The following DACH1 variants were observed in gnomAD, a reference collection of about 807,000 sequenced individuals.
The protein encoded by DACH1 is dachshund family transcription factor 1, also known as dachshund homolog 1.
DACH1 carries 12 observed loss-of-function variants against 54.2 expected under a neutral mutation model. That is an observed-to-expected ratio of 0.22 (90% CI 0.14 to 0.36). DACH1 has a LOEUF of 0.36. DACH1 is among the 10% of genes least tolerant of loss of function. The pLI, the probability that DACH1 is intolerant of heterozygous loss-of-function variation, is 1.00. For missense variants in DACH1, 805 were observed against 929.8 expected (o/e 0.87, Z 1.75); for synonymous variants, 386 against 366.2 (o/e 1.05, Z -0.62).
At chr13:71,780,653 A>T (rs546293760) in intron 1 of DACH1, among the ~76,000 whole-genome samples, 159 of 152,192 alleles carry the variant, frequency 1.0e-3, no homozygotes, top group Admixed American at 3.3e-3. Flanking sequence ...CTCAAAAAAA[A>T]AAAAAAATTC....
At chr13:71,757,644 C>T (rs1325291404) in intron 1 of DACH1, among the ~76,000 whole-genome samples, 1 of 151,712 alleles carries the variant, frequency 6.6e-6, no homozygotes, top group East Asian at 1.9e-4. Context: ...CAGCCTCAAC[C>T]TCCTGAGTAG....
chr13:71,703,272 T>A (rs1882251813), intron 1 of DACH1, among the ~76,000 whole-genome samples: 1 of 152,202 alleles, frequency 6.6e-6, no homozygotes, highest in Non-Finnish European at 1.5e-5. Context: ...TTCCTCCTTT[T>A]TTAATTTGAG....
At chr13:71,500,909 A>T (rs1385219223) in intron 6 of DACH1, among the ~76,000 whole-genome samples, 2 of 152,026 alleles carry the variant, frequency 1.3e-5, no homozygotes, top group African/African-American at 2.4e-5. Flanking sequence ...TCAGTTTCCA[A>T]TCTGACTCTG....
chr13:71,494,381 T>C (rs1232822130), intron 6 of DACH1, among the ~76,000 whole-genome samples: 2 of 152,114 alleles, frequency 1.3e-5, no homozygotes, highest in Non-Finnish European at 2.9e-5. Context: ...TTTGACTTTT[T>C]TTCCCCTGGG....
Position 71,489,124 on chromosome 13 carries a change from G to A in DACH1, c.1595C>T (p.Thr532Ile). ...EKDETPLSTPTARDSLDKLSL... is the reference protein window; with the variant it reads ...EKDETPLSTPIARDSLDKLSL... ...GAGTTTGTCAAGGCTGTCTCTTGCG[G>A]TTGGTGTAGAAAGCGGGGTCTCATC... The change falls in exon 7 of 11, where the codon ACC (threonine) becomes ATC (isoleucine). Residue 532 changes from threonine (T) to isoleucine (I), a missense_variant. Transcript: ENST00000613252. The A allele has an allele frequency of 1.9e-6, 3 of 1,613,566 alleles. No homozygotes were observed. The highest frequency in any genetic ancestry group is 2.5e-6 in the Non-Finnish European group (3 of 1,179,656).
chr13:71,450,515 A>C (rs1439828335), intron 10 of DACH1, among the ~76,000 whole-genome samples: 3 of 152,082 alleles, frequency 2.0e-5, no homozygotes, highest in Non-Finnish European at 4.4e-5. Flanking sequence ...AATCACAACA[A>C]TATTGAAATT....
intron 7 of DACH1, among the ~76,000 whole-genome samples, chr13:71,481,988 T>C (rs1298231933): frequency 1.1e-4 from 17 of 152,168 alleles, no homozygotes; most frequent in Non-Finnish European, 1.5e-5. Flanking sequence ...CAAAAAACGA[T>C]AGAAGGTTTA....
At chr13:71,817,243 T>C (rs572254916) in intron 1 of DACH1, among the ~76,000 whole-genome samples, 1 of 152,286 alleles carries the variant, frequency 6.6e-6, no homozygotes, top group Non-Finnish European at 1.5e-5. Flanking sequence ...GGACAAACCA[T>C]GGCACAGATC....
intron 6 of DACH1, among the ~76,000 whole-genome samples, chr13:71,537,794 A>T (rs999249242): frequency 1.3e-5 from 2 of 152,114 alleles, no homozygotes; most frequent in Non-Finnish European, 2.9e-5. Flanking sequence ...ATTTCCAATT[A>T]TCTAGTTGGA....
At chr13:71,651,704 A>C (rs867140819) in intron 2 of DACH1, among the ~76,000 whole-genome samples, 1 of 151,818 alleles carries the variant, frequency 6.6e-6, no homozygotes, top group African/African-American at 2.4e-5. Context: ...GTATATGTAT[A>C]TGTATATGTA....
At chr13:71,781,067 T>C (rs1886348181) in intron 1 of DACH1, among the ~76,000 whole-genome samples, 1 of 152,034 alleles carries the variant, frequency 6.6e-6, no homozygotes, top group South Asian at 2.1e-4. Context: ...CCCAGGAGGT[T>C]GAGGCTGCAG....
At chr13:71,852,639 C>T (rs1041555302) in intron 1 of DACH1, among the ~76,000 whole-genome samples, 1 of 152,026 alleles carries the variant, frequency 6.6e-6, no homozygotes, top group Non-Finnish European at 1.5e-5. Context: ...CTTTGAATGA[C>T]CAAGAGATTA....
At chr13:71,758,980 C>T (rs1885287254) in intron 1 of DACH1, among the ~76,000 whole-genome samples, 1 of 151,574 alleles carries the variant, frequency 6.6e-6, no homozygotes, top group South Asian at 2.1e-4. Flanking sequence ...CTTGCTCTGC[C>T]CTTGTCATCA....
intron 1 of DACH1, among the ~76,000 whole-genome samples, chr13:71,706,325 T>A (rs978318972): frequency 6.6e-6 from 1 of 151,934 alleles, no homozygotes; most frequent in African/African-American, 2.4e-5. Flanking sequence ...TTAGTATTAA[T>A]TGAAATCTAT....
chr13:71,573,552 T>C, intron 3 of DACH1: 1 of 606,606 alleles, frequency 1.6e-6, no homozygotes, highest in South Asian at 2.0e-5. Context: ...TGTTTCCTTA[T>C]CCCAGGAACC....
rs367741298 is a variant in DACH1, at chr13:71,630,612, G to C, written c.1070C>G (p.Ala357Gly). The change falls in exon 3 of 11, where the codon GCC becomes GGC. Residue 357 changes from alanine to glycine, a missense_variant. By Grantham distance (60) the Ala-to-Gly change is moderately conservative. Transcript: ENST00000613252. ...GTCTGCTCCATGTTGGTTATTACTG[G>C]CATGATAGTTGCTCATGGCTTCTAA... ...IKLEAMSNYHASNNQHGADSE... is the reference protein window; with the variant it reads ...IKLEAMSNYHGSNNQHGADSE... The C allele has an allele frequency of 2.5e-6, 4 of 1,611,246 alleles. No individual in the cohort carries two copies. Among genetic ancestry groups the C allele is most frequent in the Non-Finnish European group, 3.4e-6 (4 of 1,179,124 alleles).
At chr13:71,722,516 G>A (rs191582988) in intron 1 of DACH1, among the ~76,000 whole-genome samples, 17 of 152,106 alleles carry the variant, frequency 1.1e-4, no homozygotes, top group Non-Finnish European at 2.1e-4. Flanking sequence ...GGGTACTTCC[G>A]GATAATAATA....
At chr13:71,641,689 T>A (rs553661206) in intron 2 of DACH1, among the ~76,000 whole-genome samples, 1 of 152,248 alleles carries the variant, frequency 6.6e-6, no homozygotes, top group South Asian at 2.1e-4. Context: ...ATGGTTGGCA[T>A]CTCCTACATG....
At chr13:71,552,828 TATATATATATATATAGAGAGAG>T (rs1223492428) in intron 6 of DACH1, among the ~76,000 whole-genome samples, 34 of 46,140 alleles carry the variant, frequency 7.4e-4, no homozygotes, top group East Asian at 2.5e-3. Context: ...TATATATATA[TATATATATATATATAGAGAGAG>T]AGAGAGAGAG....
Sources: gnomAD v4.1 joint callset for allele counts (sites outside exome capture counted in the v4.1 genomes callset) on GRCh38, gnomAD v4.1.1 for gene constraint, MANE v1.5 for transcripts, NCBI Gene and HGNC (gene_info 2026-07-23, HGNC 2026-07-21) for gene names.